TYW1B: variants seen among roughly 807,000 people sequenced by gnomAD.
The protein encoded by TYW1B is tRNA-yW synthesizing protein 1 homolog B, also known as S-adenosyl-L-methionine-dependent tRNA 4-demethylwyosine synthase TYW1B.
Under a neutral mutation model 86.9 loss-of-function variants are expected in TYW1B, and 73 were observed. The observed-to-expected ratio is 0.84, with a 90% CI of 0.70 to 1.02. The LOEUF is 1.02. Among genes scored for constraint, TYW1B ranks in the 50% least tolerant of loss-of-function variants. TYW1B has a pLI of 0.00. For synonymous variants in TYW1B, 248 were observed against 292.8 expected (o/e 0.85, Z 1.56); for missense variants, 637 against 827.4 (o/e 0.77, Z 2.82).
intron 10 of TYW1B, among the ~76,000 whole-genome samples, chr7:72,702,511 C>T (rs1362980584): frequency 6.6e-6 from 1 of 152,130 alleles, no homozygotes; most frequent in Non-Finnish European, 1.5e-5. Context: ...CCTCAGCCTC[C>T]TCAGTAGCTG....
At chr7:72,814,411 C>T (rs1554478968) in intron 3 of TYW1B, among the ~76,000 whole-genome samples, 2 of 151,914 alleles carry the variant, frequency 1.3e-5, no homozygotes, top group Non-Finnish European at 2.9e-5. Flanking sequence ...GGTGAAACCC[C>T]ATCTCTACTA....
Position 72,723,009 on chromosome 7 carries a change from G to A in TYW1B, c.1192+5813C>T, listed in dbSNP as rs1786932855. 4.7e-5 allele frequency: 33 copies of A among 707,668 alleles called. No individual in the cohort carries two copies. In the South Asian group the frequency reaches 5.4e-4, roughly 11 times the overall value. The allele number at this position is 707,668 out of a possible 1,614,324, so 43.8% of individuals were successfully genotyped here. ...TACCTAAGCCTTGGGAATGGACACG[G>A]CCGCCACCTCGAAAAGGGCCCTCCC... On this transcript the variant is annotated intron_variant, in intron 9 of 13. Transcript: ENST00000620995.
At chr7:72,668,318 T>C (rs1192132724) in intron 11 of TYW1B, among the ~76,000 whole-genome samples, 1 of 152,226 alleles carries the variant, frequency 6.6e-6, no homozygotes, top group African/African-American at 2.4e-5. Context: ...CTAATTAGCA[T>C]ATATATCAAA....
intron 13 of TYW1B, among the ~76,000 whole-genome samples, chr7:72,613,473 G>C (rs1238413007): frequency 1.4e-5 from 2 of 144,262 alleles, no homozygotes; most frequent in African/African-American, 5.3e-5. Flanking sequence ...AGTCGTCCAG[G>C]CTTGACTCAC....
intron 10 of TYW1B, among the ~76,000 whole-genome samples, chr7:72,701,762 GTC>G (rs1337887307): frequency 3.3e-5 from 5 of 152,290 alleles, no homozygotes; most frequent in African/African-American, 7.2e-5. Flanking sequence ...GGCCACTGAA[GTC>G]TCTGTTTGGT....
At chr7:72,623,998 C>T (rs1554438378) in intron 12 of TYW1B, among the ~76,000 whole-genome samples, 3 of 152,050 alleles carry the variant, frequency 2.0e-5, no homozygotes, top group African/African-American at 7.2e-5. Context: ...GACAGGGTTT[C>T]ACCATGTGGC....
intron 8 of TYW1B, among the ~76,000 whole-genome samples, chr7:72,739,227 T>G (rs1554461613): frequency 6.6e-6 from 1 of 151,864 alleles, no homozygotes. Context: ...ATTATCCATA[T>G]GATGATAAAC....
intron 9 of TYW1B, among the ~76,000 whole-genome samples, chr7:72,715,423 C>G (rs1174115611): frequency 5.3e-5 from 8 of 152,304 alleles, no homozygotes; most frequent in African/African-American, 1.9e-4. Flanking sequence ...TTGTCAGGTA[C>G]TGCTCTTGAC....
chr7:72,614,225 G>A (rs1198373297), intron 13 of TYW1B, among the ~76,000 whole-genome samples: 3 of 151,762 alleles, frequency 2.0e-5, no homozygotes, highest in East Asian at 1.9e-4. Context: ...GGAAAGAAGG[G>A]AATACAGGCT....
Position 72,828,115 on chromosome 7 carries a change from G to T in TYW1B, c.-40C>A, listed in dbSNP as rs375500448. On this transcript the variant is annotated 5_prime_UTR_variant, in exon 1 of 14. Transcript: ENST00000620995. ...ACAGGAGACTAGGATCTCGGACCTG[G>T]AGAGCCCAAAGGTTCGCACTGGTAC... The T allele has an allele frequency of 6.2e-7, 1 of 1,613,112 alleles. No individual in the cohort carries two copies. Among genetic ancestry groups the T allele is most frequent in the South Asian group, 1.1e-5 (1 of 90,806 alleles).
intron 10 of TYW1B, among the ~76,000 whole-genome samples, chr7:72,707,357 A>G (rs1814638410): frequency 1.3e-5 from 2 of 152,268 alleles, no homozygotes; most frequent in South Asian, 2.1e-4. Flanking sequence ...CCAGCCCATC[A>G]TCAACCAGCA....
intron 11 of TYW1B, among the ~76,000 whole-genome samples, chr7:72,669,686 C>G (rs1185342808): frequency 1.1e-4 from 16 of 151,978 alleles, no homozygotes; most frequent in African/African-American, 3.6e-4. Context: ...AGGAGAATTT[C>G]TTGAACCCGG....
chr7:72,710,936 C>T (rs1786648229), intron 10 of TYW1B, among the ~76,000 whole-genome samples: 1 of 152,168 alleles, frequency 6.6e-6, no homozygotes, highest in Non-Finnish European at 1.5e-5. Flanking sequence ...TTTGACAGAG[C>T]AGGAGCACCG....
At chr7:72,624,227 C>G (rs1448687345) in intron 12 of TYW1B, among the ~76,000 whole-genome samples, 1 of 152,206 alleles carries the variant, frequency 6.6e-6, no homozygotes, top group Non-Finnish European at 1.5e-5. Context: ...CATGCCTTCT[C>G]CATTTACTGA....
chr7:72,771,520 A>C, intron 7 of TYW1B, among the ~76,000 whole-genome samples: 1 of 152,282 alleles, frequency 6.6e-6, no homozygotes, highest in Non-Finnish European at 1.5e-5. Flanking sequence ...AAATTTATTG[A>C]CAGTGTATAA....
chr7:72,811,337 G>A (rs1788614663), intron 3 of TYW1B, among the ~76,000 whole-genome samples: 1 of 151,292 alleles, frequency 6.6e-6, no homozygotes, highest in South Asian at 2.1e-4. Context: ...GAGATGGCCA[G>A]GCACGGTGGC....
chr7:72,636,928 G>A (rs1554440830), intron 11 of TYW1B, among the ~76,000 whole-genome samples: 1 of 152,116 alleles, frequency 6.6e-6, no homozygotes, highest in Non-Finnish European at 1.5e-5. Context: ...TGTAATCCCA[G>A]CACTTTCGGA....
At chr7:72,821,289 T>C (rs748692660) in intron 2 of TYW1B, among the ~76,000 whole-genome samples, 2 of 152,218 alleles carry the variant, frequency 1.3e-5, no homozygotes, top group Non-Finnish European at 2.9e-5. Context: ...CTCAAATTCC[T>C]GATAATGAGA....
At chr7:72,617,332 C>T (rs1450343474) in intron 12 of TYW1B, among the ~76,000 whole-genome samples, 13 of 152,194 alleles carry the variant, frequency 8.5e-5, no homozygotes, top group African/African-American at 3.1e-4. Flanking sequence ...AAACTTTTTC[C>T]TTAAAGTGAC....
Sources: gnomAD v4.1 joint callset for allele counts (sites outside exome capture counted in the v4.1 genomes callset) on GRCh38, gnomAD v4.1.1 for gene constraint, MANE v1.5 for transcripts, NCBI Gene and HGNC (gene_info 2026-07-23, HGNC 2026-07-21) for gene names.